The following B4GALT6 variants were observed in gnomAD, a reference collection of about 807,000 sequenced individuals.
B4GALT6 encodes the protein beta-1,4-galactosyltransferase 6.
In B4GALT6, 14 loss-of-function variants were observed where a neutral mutation model predicts 46.3. The observed-to-expected ratio is 0.30, with a 90% confidence interval of 0.20 to 0.47. The LOEUF is 0.47. Ranked by LOEUF, B4GALT6 falls within the 20% of genes least tolerant of loss-of-function variation. The pLI is 0.99. For missense variants in B4GALT6, 386 were observed against 480.1 expected (o/e 0.80, Z 1.83); for synonymous variants, 168 against 162.0 (o/e 1.04, Z -0.28).
chr18:31,657,449 C>A (rs2074154777), intron 3 of B4GALT6, among the ~76,000 whole-genome samples: 1 of 152,156 alleles, frequency 6.6e-6, no homozygotes, highest in Non-Finnish European at 1.5e-5. Context: ...TACATAATTT[C>A]TCCTTTGAAA....
intron 6 of B4GALT6, among the ~76,000 whole-genome samples, chr18:31,630,147 G>GA (rs1411436042): frequency 2.6e-5 from 4 of 151,484 alleles, no homozygotes; most frequent in African/African-American, 9.7e-5. Context: ...AGAGGAAGAA[G>GA]AAGAAAGAAA....
intron 2 of B4GALT6, among the ~76,000 whole-genome samples, chr18:31,660,829 G>A (rs539755833): frequency 6.6e-6 from 1 of 152,112 alleles, no homozygotes; most frequent in Non-Finnish European, 1.5e-5. Context: ...AGCAAGAGAA[G>A]AAAAACAAAG....
upstream of B4GALT6, chr18:31,686,348 C>T (rs982424612): frequency 6.6e-6 from 1 of 152,162 alleles, no homozygotes; most frequent in Non-Finnish European, 1.5e-5. Context: ...AAGCCCAAGC[C>T]TTTCATTAAT....
chr18:31,641,955 G>A (rs2073935463), intron 4 of B4GALT6, among the ~76,000 whole-genome samples: 1 of 152,192 alleles, frequency 6.6e-6, no homozygotes, highest in South Asian at 2.1e-4. Context: ...CATGGCTTTA[G>A]GCTTGGTAAC....
upstream of B4GALT6, among the ~76,000 whole-genome samples, chr18:31,688,258 T>TATATATATATATATATAC (rs1555643341): frequency 3.2e-3 from 483 of 148,622 alleles, 4 homozygotes; most frequent in African/African-American, 0.012. Context: ...TATATATATA[T>TATATATATATATATATAC]ACATATATAT....
Position 31,645,436 on chromosome 18 carries a change from T to G in B4GALT6, c.390A>C (p.Glu130Asp), listed in dbSNP as rs747742960. ...AATCCTTGGAGAAGAGTTGATGAAT[T>G]TCATCAAAACTGACTTCGCTTACAT... ...NVNVSEVSFD[E>D]IHQLFSKDLD... The change falls in exon 4 of 9, where the codon GAA becomes GAC. Residue 130 changes from glutamate (E) to aspartate (D), a missense_variant. By Grantham distance (45) the Glu-to-Asp change is conservative. This residue lies in a region of B4GALT6 where 323 missense variants were observed against 438.9 expected (regional missense o/e 0.74). Coordinates refer to ENST00000306851, the MANE Select transcript of B4GALT6 (RefSeq NM_004775.5). 6.2e-7 allele frequency: 1 copy of G among 1,613,602 alleles called. No individual in the cohort carries two copies. The highest frequency in any genetic ancestry group is 1.7e-5 in the Admixed American group (1 of 59,930).
chr18:31,626,414 T>C lies in B4GALT6; in HGVS notation c.900-30A>G, dbSNP rs201874435. The C allele has an allele frequency of 4.9e-6, 6 of 1,228,746 alleles. No homozygotes were observed. In the East Asian group the frequency reaches 7.1e-5, roughly 15 times the overall value. 76.1% of individuals were successfully genotyped at this position (1,228,746 alleles called of 1,614,324 possible). ...AATGCCATATATGGAAATGAAAATA[T>C]AGAGAAATAAAATATGAAAATGGGT... On this transcript the variant is annotated intron_variant, in intron 7 of 8. Coordinates refer to ENST00000306851, the MANE Select transcript of B4GALT6 (RefSeq NM_004775.5).
At chr18:31,643,184 T>G (rs1469745743) in intron 4 of B4GALT6, among the ~76,000 whole-genome samples, 1 of 152,258 alleles carries the variant, frequency 6.6e-6, no homozygotes, top group Admixed American at 6.5e-5. Context: ...AGCTCACTTC[T>G]GAATCATCTC....
chr18:31,683,804 CA>C lies in B4GALT6; in HGVS notation c.115+507del, dbSNP rs1048899945. ...GCCTTAAAATTCCCCAAGTATGGCACAAAAAGAATGGGGTCCACTGACCCCA... is the reference window on the plus strand; with the variant it reads ...GCCTTAAAATTCCCCAAGTATGGCACAAAAGAATGGGGTCCACTGACCCCA... On this transcript the variant is annotated intron_variant, in intron 1 of 8. Coordinates refer to ENST00000306851, the MANE Select transcript of B4GALT6 (RefSeq NM_004775.5). 6.5e-4 allele frequency among the ~76,000 whole-genome samples: 99 copies of C among 152,004 alleles called. 1 individual carries two copies. The highest frequency in any genetic ancestry group is 2.2e-3 in the African/African-American group (93 of 41,464).
At chr18:31,632,562 T>C (rs2073804724) in intron 5 of B4GALT6, among the ~76,000 whole-genome samples, 2 of 152,202 alleles carry the variant, frequency 1.3e-5, no homozygotes, top group South Asian at 2.1e-4. Flanking sequence ...TTCTTGCTTC[T>C]TTCACTTTAA....
the B4GALT6 span, among the ~76,000 whole-genome samples, chr18:31,693,411 T>C: frequency 6.6e-6 from 1 of 152,190 alleles, no homozygotes; most frequent in East Asian, 1.9e-4. Flanking sequence ...GTTACACATA[T>C]GGCATATTCT....
At chr18:31,649,562 A>T (rs944979153) in intron 3 of B4GALT6, among the ~76,000 whole-genome samples, 1 of 139,394 alleles carries the variant, frequency 7.2e-6, no homozygotes, top group African/African-American at 2.9e-5. Context: ...AAACAACCCC[A>T]TTAAAAAATG....
upstream of B4GALT6, among the ~76,000 whole-genome samples, chr18:31,685,426 C>A (rs1174275632): frequency 6.6e-6 from 1 of 151,396 alleles, no homozygotes; most frequent in African/African-American, 2.4e-5. Context: ...CCGGCGGGAA[C>A]GTCTCGAGAC....
At chr18:31,630,637 A>C (rs1246139861) in intron 6 of B4GALT6, among the ~76,000 whole-genome samples, 1 of 152,064 alleles carries the variant, frequency 6.6e-6, no homozygotes, top group Non-Finnish European at 1.5e-5. Context: ...CAAGGAATAC[A>C]CCTTCAGAGA....
the B4GALT6 span, among the ~76,000 whole-genome samples, chr18:31,694,092 T>C: frequency 1.3e-5 from 2 of 152,232 alleles, no homozygotes; most frequent in Admixed American, 1.3e-4. Context: ...ATCACTTATC[T>C]TAAAATAGGT....
chr18:31,690,554 C>T (rs531931305), upstream of B4GALT6, among the ~76,000 whole-genome samples: 312 of 151,586 alleles, frequency 2.1e-3, no homozygotes, highest in Middle Eastern at 6.8e-3. Flanking sequence ...ACTCTAACCT[C>T]CGCCTCCTGG....
intron 2 of B4GALT6, 48 bp downstream of exon 2, chr18:31,666,208 G>T: frequency 9.2e-7 from 1 of 1,085,664 alleles, no homozygotes; most frequent in South Asian, 1.7e-5. Context: ...TAAAAGATTT[G>T]GTTTACTGCT....
At chr18:31,676,802 C>T (rs1226670573) in intron 1 of B4GALT6, among the ~76,000 whole-genome samples, 4 of 152,164 alleles carry the variant, frequency 2.6e-5, no homozygotes, top group East Asian at 1.9e-4. Context: ...CATCTGGGTA[C>T]GTGTTAAAAA....
intron 1 of B4GALT6, among the ~76,000 whole-genome samples, chr18:31,680,819 C>T (rs1298541406): frequency 2.0e-5 from 3 of 152,212 alleles, no homozygotes; most frequent in African/African-American, 4.8e-5. Context: ...ACTGGAGCCC[C>T]AGAGACCTTT....
Sources: gnomAD v4.1 joint callset for allele counts (sites outside exome capture counted in the v4.1 genomes callset) on GRCh38, gnomAD v4.1.1 for gene constraint, gnomAD v4.1.1 regional missense constraint, MANE v1.5 for transcripts, NCBI Gene and HGNC (gene_info 2026-07-23, HGNC 2026-07-21) for gene names.